The following LOC400499 variants were observed in gnomAD, a reference collection of about 807,000 sequenced individuals.
At chr16:11,372,202 A>C in the LOC400499 span, 1 of 152,170 alleles carries the variant, frequency 6.6e-6, no homozygotes, top group Admixed American at 6.5e-5. Flanking sequence ...CAAAGAGAGA[A>C]GCTGCCTACC....
At chr16:11,422,738 A>G in the LOC400499 span, among the ~76,000 whole-genome samples, 6 of 152,176 alleles carry the variant, frequency 3.9e-5, no homozygotes, top group Admixed American at 3.9e-4. Flanking sequence ...GGCAGACAGG[A>G]CAAAGAGAAA....
chr16:11,409,291 A>T, the LOC400499 span, among the ~76,000 whole-genome samples: 12 of 152,086 alleles, frequency 7.9e-5, no homozygotes, highest in African/African-American at 2.2e-4. Context: ...AAAAAATAAA[A>T]AAATAAAACA....
the LOC400499 span, chr16:11,491,965 C>G: frequency 2.5e-6 from 1 of 395,148 alleles, no homozygotes; most frequent in Middle Eastern, 6.3e-4. Flanking sequence ...GATGCCCCTA[C>G]TGCGGGAGGC....
chr16:11,523,376 T>A, the LOC400499 span: 1 of 398,586 alleles, frequency 2.5e-6, no homozygotes, highest in African/African-American at 2.1e-5. Flanking sequence ...CTCAGGCTCC[T>A]GGTCACCAGA....
the LOC400499 span, among the ~76,000 whole-genome samples, chr16:11,423,818 C>A: frequency 3.3e-5 from 5 of 152,226 alleles, no homozygotes; most frequent in African/African-American, 9.7e-5. Flanking sequence ...CAGACAGGGC[C>A]TGGTGCAGGC....
chr16:11,399,474 C>T, the LOC400499 span: 22 of 399,288 alleles, frequency 5.5e-5, no homozygotes, highest in Non-Finnish European at 7.9e-5. Context: ...GACCTCACCT[C>T]GTAGGTCAAG....
chr16:11,501,594 C>T, the LOC400499 span, among the ~76,000 whole-genome samples: 15 of 151,922 alleles, frequency 9.9e-5, no homozygotes, highest in African/African-American at 3.6e-4. Flanking sequence ...CTGAGCATAG[C>T]CGTAAGCTGA....
the LOC400499 span, chr16:11,391,634 ACAGGATTGAGC>A: frequency 8.1e-7 from 1 of 1,231,864 alleles, no homozygotes; most frequent in South Asian, 4.1e-5. Context: ...TGATTTCCGC[ACAGGATTGAGC>A]CCTCCCCCTC....
the LOC400499 span, chr16:11,412,700 C>T: frequency 2.5e-6 from 1 of 395,518 alleles, no homozygotes; most frequent in Non-Finnish European, 4.5e-6. Context: ...AGTTACTTGG[C>T]CTCTCTGAGC....
the LOC400499 span, among the ~76,000 whole-genome samples, chr16:11,406,841 C>T: frequency 1.3e-5 from 2 of 152,218 alleles, no homozygotes; most frequent in Non-Finnish European, 2.9e-5. Context: ...TCCTTGGTCA[C>T]TCTCAGTCAC....
chr16:11,417,740 G>A, the LOC400499 span: 1 of 399,158 alleles, frequency 2.5e-6, no homozygotes, highest in Non-Finnish European at 4.4e-6. Context: ...TGCCCATCAT[G>A]GTAATAGCAG....
the LOC400499 span, among the ~76,000 whole-genome samples, chr16:11,455,841 TTTAGA>T: frequency 4.3e-4 from 65 of 152,172 alleles, no homozygotes; most frequent in Non-Finnish European, 7.9e-4. Flanking sequence ...ACTTTAATCT[TTTAGA>T]TTAAACTTTA....
At chr16:11,522,571 G>C in the LOC400499 span, among the ~76,000 whole-genome samples, 3 of 152,208 alleles carry the variant, frequency 2.0e-5, no homozygotes, top group Admixed American at 2.0e-4. Context: ...CACCCCAGTT[G>C]AGAAGCATTC....
the LOC400499 span, among the ~76,000 whole-genome samples, chr16:11,481,226 C>T: frequency 6.6e-6 from 1 of 152,152 alleles, no homozygotes; most frequent in Non-Finnish European, 1.5e-5. Context: ...GACTCTTTCA[C>T]GGGTGCAGTG....
At chr16:11,446,691 C>G in the LOC400499 span, 2 of 1,532,404 alleles carry the variant, frequency 1.3e-6, no homozygotes, top group African/African-American at 1.4e-5. Context: ...GAGGAGGCAG[C>G]TGGGGCCTTC....
At chr16:11,372,769 C>G in the LOC400499 span, 1 of 977,448 alleles carries the variant, frequency 1.0e-6, no homozygotes, top group Non-Finnish European at 1.2e-6. Context: ...TAAGACCAGG[C>G]TATGGGCCCC....
chr16:11,502,322 C>A, the LOC400499 span: 1 of 395,478 alleles, frequency 2.5e-6, no homozygotes, highest in South Asian at 1.4e-4. Flanking sequence ...TGCTGAGACC[C>A]AGTGAGATGA....
the LOC400499 span, among the ~76,000 whole-genome samples, chr16:11,449,869 T>C: frequency 6.6e-6 from 1 of 152,238 alleles, no homozygotes; most frequent in Non-Finnish European, 1.5e-5. Context: ...CTCCAGGATC[T>C]GGACACTTGC....
chr16:11,464,601 T>C, the LOC400499 span, among the ~76,000 whole-genome samples: 83 of 152,188 alleles, frequency 5.5e-4, no homozygotes, highest in African/African-American at 1.9e-3. Context: ...CTCTGGGACT[T>C]CGTATTCATG....
Sources: allele counts gnomAD v4.1 joint callset (sites outside exome capture counted in the v4.1 genomes callset), GRCh38; gene constraint gnomAD v4.1.1; transcripts MANE v1.5.